Variants in FGF1 observed in about 807,000 individuals in gnomAD.
FGF1 encodes the protein beta-endothelial cell growth factor.
In FGF1, 9 loss-of-function variants were observed where a neutral mutation model predicts 13.4. The ratio of observed to expected loss-of-function variants is 0.67; its 90% CI spans 0.40 to 1.17. The LOEUF is 1.17. Ranked by LOEUF, FGF1 falls within the 50% of genes most tolerant of loss-of-function variation. FGF1 has a pLI of 0.01. For missense variants in FGF1, 156 were observed against 192.7 expected, an observed-to-expected ratio of 0.81 and a Z score of 1.13; for synonymous variants, 93 against 79.0, an observed-to-expected ratio of 1.18 and a Z score of -0.94.
chr5:142,626,599 G>A (rs1457917280), intron 1 of FGF1: 1 of 152,164 alleles, frequency 6.6e-6, no homozygotes, highest in Non-Finnish European at 1.5e-5. Context: ...CAGCCCATTC[G>A]TTCATGTTCT....
chr5:142,629,901 T>TTC, intron 1 of FGF1, among the ~76,000 whole-genome samples: 1 of 144,602 alleles, frequency 6.9e-6, no homozygotes, highest in African/African-American at 2.6e-5. Context: ...ATATATTTTT[T>TTC]TTTTTTCTTT....
At chr5:142,696,592 G>A (rs1424624993) in intron 2 of FGF1, among the ~76,000 whole-genome samples, 2 of 152,116 alleles carry the variant, frequency 1.3e-5, no homozygotes, top group African/African-American at 4.8e-5. Context: ...CTTCACAATG[G>A]GCAGGTCTTC....
chr5:142,643,869 T>C (rs1479574012), intron 1 of FGF1, among the ~76,000 whole-genome samples: 1 of 152,228 alleles, frequency 6.6e-6, no homozygotes, highest in African/African-American at 2.4e-5. Context: ...TCTAAACTGA[T>C]AGGTTTATTA....
chr5:142,610,091 G>A (rs1051825572), intron 2 of FGF1, among the ~76,000 whole-genome samples: 1 of 152,192 alleles, frequency 6.6e-6, no homozygotes, highest in African/African-American at 2.4e-5. Flanking sequence ...AGCTGGTCAC[G>A]CCTGTCAACT....
At chr5:142,640,916 C>G (rs17217009) in intron 1 of FGF1, among the ~76,000 whole-genome samples, 13 of 151,990 alleles carry the variant, frequency 8.6e-5, no homozygotes, top group African/African-American at 3.2e-4. Flanking sequence ...TCCCTTCCCC[C>G]ACAGACATAG....
At chr5:142,637,686 C>G (rs2151943321) in intron 1 of FGF1, among the ~76,000 whole-genome samples, 1 of 152,174 alleles carries the variant, frequency 6.6e-6, no homozygotes, top group East Asian at 1.9e-4. Context: ...TGCCATGCAG[C>G]CTGGGCATCC....
intron 2 of FGF1, among the ~76,000 whole-genome samples, chr5:142,601,369 G>A (rs1756519038): frequency 6.6e-6 from 1 of 152,164 alleles, no homozygotes; most frequent in Non-Finnish European, 1.5e-5. Context: ...TTCCCAGGGA[G>A]TTAGGACTGG....
chr5:142,612,558 T>A (rs1759299677), intron 2 of FGF1, among the ~76,000 whole-genome samples: 1 of 152,178 alleles, frequency 6.6e-6, no homozygotes, highest in Non-Finnish European at 1.5e-5. Context: ...TGGACTACAA[T>A]CTAAGTTTGC....
chr5:142,667,577 C>T (rs1597394598), intron 1 of FGF1, among the ~76,000 whole-genome samples: 1 of 143,812 alleles, frequency 7.0e-6, no homozygotes, highest in South Asian at 2.2e-4. Context: ...CAGAGCGAGA[C>T]TCCGTCTCAA....
chr5:142,666,822 AGC>A (rs1770468177), intron 1 of FGF1, among the ~76,000 whole-genome samples: 1 of 152,000 alleles, frequency 6.6e-6, no homozygotes, highest in Non-Finnish European at 1.5e-5. Context: ...TTATAGTCTC[AGC>A]TACTCAGGAG....
chr5:142,601,903 A>G (rs997700259), intron 2 of FGF1, among the ~76,000 whole-genome samples: 1 of 152,212 alleles, frequency 6.6e-6, no homozygotes, highest in Admixed American at 6.5e-5. Context: ...CTCTTGAGAA[A>G]GGTGCTTTGA....
chr5:142,693,965 A>C (rs973567080), intron 2 of FGF1, among the ~76,000 whole-genome samples: 2 of 151,020 alleles, frequency 1.3e-5, no homozygotes, highest in Admixed American at 6.6e-5. Context: ...CTATTATTAT[A>C]CTGTTGTTAT....
At chr5:142,665,894 C>T (rs1770216567) in intron 1 of FGF1, among the ~76,000 whole-genome samples, 1 of 152,126 alleles carries the variant, frequency 6.6e-6, no homozygotes, top group South Asian at 2.1e-4. Flanking sequence ...CAGTCTTTCT[C>T]ATCATCTCAT....
chr5:142,676,171 C>T (rs1772564424), intron 1 of FGF1, among the ~76,000 whole-genome samples: 1 of 152,152 alleles, frequency 6.6e-6, no homozygotes, highest in Non-Finnish European at 1.5e-5. Context: ...AAACAGGTGA[C>T]CTGCATGTCC....
intron 1 of FGF1, among the ~76,000 whole-genome samples, chr5:142,660,082 C>G (rs987393668): frequency 5.9e-5 from 9 of 152,372 alleles, no homozygotes; most frequent in Middle Eastern, 3.4e-3. Flanking sequence ...TTTTCTCACA[C>G]AACATGACTG....
chr5:142,622,116 A>G (rs917939338), intron 1 of FGF1, among the ~76,000 whole-genome samples: 1 of 152,322 alleles, frequency 6.6e-6, no homozygotes, highest in African/African-American at 2.4e-5. Flanking sequence ...CTTGCTCACA[A>G]TGGTATCCCA....
At chr5:142,661,709 T>A (rs896804620) in intron 1 of FGF1, among the ~76,000 whole-genome samples, 3 of 152,072 alleles carry the variant, frequency 2.0e-5, no homozygotes, top group African/African-American at 7.2e-5. Flanking sequence ...AAAAAGCCAG[T>A]CACAAAAGAC....
intron 2 of FGF1, among the ~76,000 whole-genome samples, chr5:142,612,912 A>G (rs991992915): frequency 2.6e-5 from 4 of 152,250 alleles, no homozygotes; most frequent in African/African-American, 9.6e-5. Flanking sequence ...CCTCTGGTGC[A>G]TGGTCCATGA....
chr5:142,595,134 G>A lies in FGF1; in HGVS notation c.*156C>T. 1.6e-6 allele frequency: 1 copy of A among 624,138 alleles called. No individual in the cohort carries two copies. Among genetic ancestry groups the A allele is most frequent in the East Asian group, 2.8e-5 (1 of 36,226 alleles). 38.7% of individuals were successfully genotyped at this position (624,138 alleles called of 1,614,324 possible). ...GTGCAGGGGTAAAAGGCTCTGCAAAGAAGTGAACTGGGCATTTAGAAGCAA... is the reference window on the plus strand; with the variant it reads ...GTGCAGGGGTAAAAGGCTCTGCAAAAAAGTGAACTGGGCATTTAGAAGCAA... On this transcript the variant is annotated 3_prime_UTR_variant, in exon 4 of 4. Coordinates refer to ENST00000337706, the MANE Select transcript of FGF1 (RefSeq NM_000800.5).
Sources: gnomAD v4.1 joint callset for allele counts (sites outside exome capture counted in the v4.1 genomes callset) on GRCh38, gnomAD v4.1.1 for gene constraint, MANE v1.5 for transcripts, NCBI Gene and HGNC (gene_info 2026-07-23, HGNC 2026-07-21) for gene names.